BTRC: variants seen among roughly 807,000 people sequenced by gnomAD.
BTRC encodes the protein F-box/WD repeat-containing protein 1A.
BTRC carries 42 observed loss-of-function variants against 85.5 expected under a neutral mutation model. The ratio of observed to expected loss-of-function variants is 0.49; its 90% CI spans 0.38 to 0.64. BTRC has a LOEUF of 0.64. Ranked by LOEUF, BTRC falls within the 30% of genes least tolerant of loss-of-function variation. The pLI is 0.00. For synonymous variants in BTRC, 255 were observed against 263.3 expected (o/e 0.97, Z 0.30); for missense variants, 594 against 743.5 (o/e 0.80, Z 2.34).
intron 1 of BTRC, among the ~76,000 whole-genome samples, chr10:101,390,840 T>C (rs533284989): frequency 6.6e-5 from 10 of 152,308 alleles, no homozygotes; most frequent in Non-Finnish European, 1.3e-4. Context: ...TTCTTTCTAA[T>C]TTTCCTGTCC....
intron 2 of BTRC, among the ~76,000 whole-genome samples, chr10:101,430,966 T>C (rs983481929): frequency 2.6e-5 from 4 of 152,084 alleles, no homozygotes; most frequent in African/African-American, 4.8e-5. Flanking sequence ...ACATTTCTAA[T>C]TTCTAGGTGG....
intron 3 of BTRC, among the ~76,000 whole-genome samples, chr10:101,464,532 T>G (rs1346346673): frequency 2.1e-5 from 2 of 97,428 alleles, no homozygotes; most frequent in East Asian, 5.5e-4. Flanking sequence ...TTTAACAACC[T>G]TCCCCCCCAC....
rs568016857 is a variant in BTRC, at chr10:101,557,231, A to C, written c.*4108A>C. 6.6e-6 allele frequency: 1 copy of C among 152,332 alleles called. No individual in the cohort carries two copies. Among genetic ancestry groups the C allele is most frequent in the South Asian group, 2.1e-4 (1 of 4,822 alleles). 9.4% of individuals were successfully genotyped at this position (152,332 alleles called of 1,614,324 possible). A position where few individuals can be genotyped will look rare whatever the true frequency, so the allele number is the denominator to read the frequency against. On this transcript the variant is annotated 3_prime_UTR_variant, in exon 15 of 15. Transcript: ENST00000370187. ...CAGTGTACCAATATGTTCACAACCT[A>C]GGATCATGATAATGGAGTGTGTTTT...
intron 4 of BTRC, among the ~76,000 whole-genome samples, chr10:101,501,649 T>C (rs937422190): frequency 3.6e-4 from 55 of 152,226 alleles, no homozygotes; most frequent in African/African-American, 1.3e-3. Context: ...ATTAGTACTC[T>C]TGAGCCTCGT....
chr10:101,362,476 A>G (rs1942239061), intron 1 of BTRC, among the ~76,000 whole-genome samples: 1 of 150,628 alleles, frequency 6.6e-6, no homozygotes, highest in South Asian at 2.1e-4. Context: ...GCTCACAGCA[A>G]CCTCCGCCTC....
chr10:101,519,219 C>G (rs2062067373), intron 4 of BTRC, among the ~76,000 whole-genome samples: 1 of 151,936 alleles, frequency 6.6e-6, no homozygotes, highest in African/African-American at 2.4e-5. Flanking sequence ...GCTGGGATTA[C>G]AGGCACCCGC....
intron 13 of BTRC, among the ~76,000 whole-genome samples, chr10:101,538,865 C>G (rs866601610): frequency 1.3e-5 from 2 of 151,884 alleles, no homozygotes; most frequent in Non-Finnish European, 2.9e-5. Flanking sequence ...TTGACCAACA[C>G]GGTGAAACCC....
chr10:101,551,525 C>T (rs188813705), intron 14 of BTRC, among the ~76,000 whole-genome samples: 1 of 152,196 alleles, frequency 6.6e-6, no homozygotes, highest in South Asian at 2.1e-4. Context: ...GTGGTCCATA[C>T]ATATTGTGGT....
intron 13 of BTRC, among the ~76,000 whole-genome samples, chr10:101,546,079 T>G (rs1277964456): frequency 6.6e-6 from 1 of 152,190 alleles, no homozygotes; most frequent in East Asian, 1.9e-4. Flanking sequence ...GGCAGCCAAT[T>G]CAGTAAGAAC....
chr10:101,532,557 C>T, intron 8 of BTRC, 125 bp downstream of exon 8: 1 of 1,301,796 alleles, frequency 7.7e-7, no homozygotes, highest in East Asian at 2.5e-5. Flanking sequence ...AGATTGTTTC[C>T]AGTCCCAAAG....
intron 1 of BTRC, among the ~76,000 whole-genome samples, chr10:101,418,808 G>T (rs1944018350): frequency 6.6e-6 from 1 of 151,970 alleles, no homozygotes; most frequent in African/African-American, 2.4e-5. Context: ...CATCACCTAG[G>T]TATCAAGCCC....
chr10:101,378,226 A>G (rs552697769), intron 1 of BTRC, among the ~76,000 whole-genome samples: 1 of 152,202 alleles, frequency 6.6e-6, no homozygotes, highest in Non-Finnish European at 1.5e-5. Context: ...TATTATAAGA[A>G]GCAAACTTAA....
At chr10:101,364,016 C>G (rs544339669) in intron 1 of BTRC, among the ~76,000 whole-genome samples, 1 of 152,166 alleles carries the variant, frequency 6.6e-6, no homozygotes, top group East Asian at 1.9e-4. Flanking sequence ...ACTTGGCTTA[C>G]TCAAAGTCAA....
chr10:101,458,673 T>G (rs1453494353), intron 2 of BTRC, among the ~76,000 whole-genome samples: 1 of 152,184 alleles, frequency 6.6e-6, no homozygotes, highest in Non-Finnish European at 1.5e-5. Context: ...ATTTCTTAGG[T>G]ACAAACTAGT....
At chr10:101,376,385 C>G (rs981208930) in intron 1 of BTRC, among the ~76,000 whole-genome samples, 1 of 152,208 alleles carries the variant, frequency 6.6e-6, no homozygotes, top group South Asian at 2.1e-4. Context: ...GGCTTGGACT[C>G]TCTGAATTCC....
intron 2 of BTRC, among the ~76,000 whole-genome samples, chr10:101,442,596 A>G (rs1000960922): frequency 7.2e-5 from 11 of 152,220 alleles, no homozygotes; most frequent in Non-Finnish European, 1.2e-4. Flanking sequence ...GTACTAAGTT[A>G]CAAATATTCA....
At position 101,525,762 on chromosome 10, in the gene BTRC, T is replaced by G. The variant is rs1335976941; in HGVS notation, c.557-251T>G. ...TTTATTTTTAATGTCTTGGGGGGTT[T>G]GCTGGTTGTTAGCTTTAACTTCCTT... On this transcript the variant is annotated intron_variant, in intron 5 of 14. Coordinates refer to ENST00000370187, the MANE Select transcript of BTRC (RefSeq NM_033637.4). Among the ~76,000 whole-genome samples the G allele has an allele frequency of 1.3e-5, 2 of 152,166 alleles. 1 individual carries two copies. The highest frequency in any genetic ancestry group is 1.3e-4 in the Admixed American group (2 of 15,282).
chr10:101,415,408 T>C (rs1589439255), intron 1 of BTRC, among the ~76,000 whole-genome samples: 1 of 151,656 alleles, frequency 6.6e-6, no homozygotes, highest in South Asian at 2.1e-4. Flanking sequence ...ACTCCTGGAC[T>C]CAAGGGATCT....
chr10:101,515,018 C>T (rs1182699766), intron 4 of BTRC, among the ~76,000 whole-genome samples: 1 of 151,750 alleles, frequency 6.6e-6, no homozygotes, highest in Non-Finnish European at 1.5e-5. Flanking sequence ...TGCAGTGGCA[C>T]GATCTCGGCT....
Sources: allele counts gnomAD v4.1 joint callset (sites outside exome capture counted in the v4.1 genomes callset), GRCh38; gene constraint gnomAD v4.1.1; transcripts MANE v1.5; gene names NCBI Gene and HGNC (gene_info 2026-07-23, HGNC 2026-07-21).